Variants in FANCM observed in about 807,000 individuals in gnomAD.
FANCM encodes the protein Fanconi anemia group M protein.
A neutral mutation model predicts 199.5 loss-of-function variants in FANCM; 140 were observed. That is an observed-to-expected ratio of 0.70 (90% CI 0.61 to 0.81). FANCM has a LOEUF of 0.81. Ranked by LOEUF, FANCM falls within the 30% of genes least tolerant of loss-of-function variation. The probability of loss-of-function intolerance (pLI) is 0.00; values close to 1 mark genes in which losing one functional copy is unlikely to be tolerated. For missense variants in FANCM, 2,410 were observed against 2,421.4 expected (o/e 1.00, Z 0.10); for synonymous variants, 840 against 836.8 (o/e 1.00, Z -0.07).
chr14:45,137,303 A>C, intron 2 of FANCM, 62 bp downstream of exon 2: 1 of 1,356,088 alleles, frequency 7.4e-7, no homozygotes, highest in South Asian at 1.2e-5. Context: ...AATTTTGGCG[A>C]ATAGTTACTA....
chr14:45,160,909 G>A (rs550416269), intron 9 of FANCM, among the ~76,000 whole-genome samples: 1 of 151,882 alleles, frequency 6.6e-6, no homozygotes, highest in Admixed American at 6.6e-5. Flanking sequence ...TGGATATGGT[G>A]GGGAGTGCCT....
At position 45,154,398 on chromosome 14, in the gene FANCM, T is replaced by TA. The variant is rs5808292; in HGVS notation, c.1184-281dup. 0.054 allele frequency among the ~76,000 whole-genome samples: 6,767 copies of TA among 125,918 alleles called. 353 individuals carry two copies. The highest frequency in any genetic ancestry group is 0.15 in the African/African-American group (4,967 of 33,792). The allele number at this position is 125,918 out of a possible 152,430, so 82.6% of individuals were successfully genotyped here. ...CCTGGGCAACAGAGTGAGACTGTCT[T>TA]AAAAAAAAAAAAAAAAAAGACATAT... is the stretch of plus-strand genomic sequence containing the variant. On this transcript the variant is annotated intron_variant, in intron 6 of 22. Transcript: ENST00000267430.
Position 45,183,903 on chromosome 14 carries a change from G to A in FANCM, c.4515+1G>A. ...CCCAAAGAGACAGAGTCACTTAAAG[G>A]TAATCTTTTTTTTAGTTTCTTTAAA... On this transcript the variant is annotated splice_donor_variant, in intron 17 of 22. Coordinates refer to ENST00000267430, the MANE Select transcript of FANCM (RefSeq NM_020937.4). LOFTEE classifies it high-confidence loss of function. The A allele has an allele frequency of 6.2e-7, 1 of 1,607,394 alleles. No homozygotes were observed. The highest frequency in any genetic ancestry group is 8.5e-7 in the Non-Finnish European group (1 of 1,174,956).
chr14:45,163,838 T>A (rs2139202622), intron 9 of FANCM, among the ~76,000 whole-genome samples: 1 of 152,324 alleles, frequency 6.6e-6, no homozygotes, highest in African/African-American at 2.4e-5. Flanking sequence ...TCACAACCAT[T>A]ACTAAAGCAA....
intron 17 of FANCM, 22 bp downstream of exon 17, chr14:45,183,924 TTAAA>T: frequency 6.4e-7 from 1 of 1,562,346 alleles, no homozygotes; most frequent in Admixed American, 1.7e-5. Flanking sequence ...TTTAGTTTCT[TTAAA>T]TATGTATGCA....
rs1161966272 is a variant in FANCM, at chr14:45,177,188, T to C, written c.4222+212T>C. On this transcript the variant is annotated intron_variant, in intron 14 of 22. Transcript: ENST00000267430. The stretch of plus-strand genomic sequence containing the variant: ...GGCACGCATGGTATGGAAAAAGTTA[T>C]TCTTGCTAGACATTATGAAATACAC... 1.3e-5 allele frequency among the ~76,000 whole-genome samples: 2 copies of C among 150,310 alleles called. 1 individual carries two copies. The highest frequency in any genetic ancestry group is 2.9e-5 in the Non-Finnish European group (2 of 68,034).
rs748414059 is a variant in FANCM at position 45,159,244 on chromosome 14, A to G, written c.1545A>G (p.Lys515=). Residue 515 remains lysine, a synonymous_variant, in exon 9 of 23, where the codon AAA becomes AAG. Transcript: ENST00000267430. ...VMTFVGHASG[K]STKGFTQKEQ... is the part of the protein sequence containing the mutation. Reference sequence around the variant, plus strand: ...CTTTTGTCGGCCATGCCTCAGGGAAAAGCACGAAGGGTTTTACCCAGAAGG... The same window carrying G: ...CTTTTGTCGGCCATGCCTCAGGGAAGAGCACGAAGGGTTTTACCCAGAAGG... The G allele has an allele frequency of 3.1e-6, 5 of 1,613,846 alleles. No homozygotes were observed. Among genetic ancestry groups the G allele is most frequent in the African/African-American group, 2.7e-5 (2 of 75,038 alleles).
At chr14:45,154,894 C>T in intron 7 of FANCM, 72 bp downstream of exon 7, 3 of 1,197,504 alleles carry the variant, frequency 2.5e-6, no homozygotes, top group South Asian at 1.3e-5. Flanking sequence ...AATTTTGCTC[C>T]TTTGATGCAA....
chr14:45,152,143 C>T (rs942093225), intron 5 of FANCM, among the ~76,000 whole-genome samples: 11 of 151,808 alleles, frequency 7.2e-5, no homozygotes, highest in African/African-American at 2.7e-4. Flanking sequence ...AGTCTTGTGC[C>T]TCAGCCTCCC....
chr14:45,195,467 G>GT (rs1566789485), intron 20 of FANCM: 1 of 447,138 alleles, frequency 2.2e-6, no homozygotes, highest in South Asian at 1.6e-5. Flanking sequence ...ACGTTTAACT[G>GT]TTTTTGGGGA....
intron 13 of FANCM, among the ~76,000 whole-genome samples, chr14:45,174,291 G>A (rs1052260418): frequency 6.6e-6 from 1 of 152,080 alleles, no homozygotes; most frequent in East Asian, 1.9e-4. Context: ...GAAGGCTGAG[G>A]CAGGAGAGTC....
Position 45,176,240 on chromosome 14 carries a change from A to G in FANCM, c.3486A>G (p.Ser1162=). Residue 1162 remains serine, a synonymous_variant, in exon 14 of 23, where the codon TCA becomes TCG. Transcript: ENST00000267430. The part of the protein sequence containing the change: ...LNSKSESLPV[S]DKTAISETPL... ...GTAAAAGCGAATCTTTACCTGTGTC[A>G]GACAAAACTGCTATTAGTGAAACGC... 1 of 1,614,094 alleles carries G rather than the reference A, an allele frequency of 6.2e-7. No individual in the cohort carries two copies. The highest frequency in any genetic ancestry group is 8.5e-7 in the Non-Finnish European group (1 of 1,179,958).
Position 45,185,351 on chromosome 14 carries a change from T to C in FANCM, c.4650T>C (p.Thr1550=). The C allele has an allele frequency of 6.3e-7, 1 of 1,593,178 alleles. No homozygotes were observed. ...SSLLDFLNDE[T]QLSQAINDSE... is the part of the protein sequence containing the mutation. ...TACTTGACTTTTTAAATGATGAAAC[T>C]CAACTTTCACAGGCTATAAATGGTA... Residue 1550 remains threonine (T), a synonymous_variant, in exon 18 of 23, where the codon ACT becomes ACC. Transcript: ENST00000267430.
chr14:45,146,903 G>C (rs982006918), intron 3 of FANCM, among the ~76,000 whole-genome samples: 3 of 150,230 alleles, frequency 2.0e-5, no homozygotes, highest in Non-Finnish European at 4.4e-5. Flanking sequence ...TATCTTGTCA[G>C]TGTTCCTTAT....
Position 45,176,268 on chromosome 14 carries a change from C to T in FANCM, c.3514C>T (p.Leu1172=). ...SDKTAISETP[L]VSQFLISDEL... ...CAAAACTGCTATTAGTGAAACGCCTCTGGTCTCTCAGTTCTTAATTTCTGA... is the reference window on the plus strand; with the variant it reads ...CAAAACTGCTATTAGTGAAACGCCTTTGGTCTCTCAGTTCTTAATTTCTGA... Residue 1172 remains leucine (L), a synonymous_variant, in exon 14 of 23, where the codon CTG becomes TTG. Coordinates refer to ENST00000267430, the MANE Select transcript of FANCM (RefSeq NM_020937.4). 1.9e-6 allele frequency: 3 copies of T among 1,614,052 alleles called. No homozygotes were observed. Among genetic ancestry groups the T allele is most frequent in the Non-Finnish European group, 1.7e-6 (2 of 1,179,928 alleles).
At chr14:45,166,911 A>T in intron 10 of FANCM, 39 bp from the exon 11 acceptor site, 1 of 1,113,234 alleles carries the variant, frequency 9.0e-7, no homozygotes, top group Non-Finnish European at 1.4e-6. Context: ...GTTATTTATA[A>T]AAGTAATATA....
chr14:45,198,496 C>T, intron 21 of FANCM, 148 bp from the exon 22 acceptor site: 1 of 516,766 alleles, frequency 1.9e-6, no homozygotes, highest in Non-Finnish European at 3.4e-6. Context: ...ATTTGAGAAA[C>T]ATTAGTTGTA....
intron 11 of FANCM, chr14:45,167,397 C>A: frequency 2.0e-6 from 1 of 494,744 alleles, no homozygotes; most frequent in South Asian, 2.5e-5. Flanking sequence ...CCCTACCAAC[C>A]CAGAGAATGT....
chr14:45,163,351 C>T (rs1887738306), intron 9 of FANCM, among the ~76,000 whole-genome samples: 1 of 152,180 alleles, frequency 6.6e-6, no homozygotes, highest in Non-Finnish European at 1.5e-5. Flanking sequence ...CACATAGTAG[C>T]TATCATTATT....
Sources: allele counts gnomAD v4.1 joint callset (sites outside exome capture counted in the v4.1 genomes callset), GRCh38; gene constraint gnomAD v4.1.1; transcripts MANE v1.5; gene names NCBI Gene and HGNC (gene_info 2026-07-23, HGNC 2026-07-21).